CSRNP3: variants seen among roughly 807,000 people sequenced by gnomAD.
CSRNP3 encodes the protein cysteine and serine rich nuclear protein 3.
In CSRNP3, 12 loss-of-function variants were observed where a neutral mutation model predicts 48.0. That is an observed-to-expected ratio of 0.25 (90% CI 0.16 to 0.41). CSRNP3 has a LOEUF of 0.41. Ranked by LOEUF, CSRNP3 falls within the 10% of genes least tolerant of loss-of-function variation. CSRNP3 has a pLI of 1.00. For synonymous variants in CSRNP3, 263 were observed against 269.7 expected (o/e 0.98, Z 0.24); for missense variants, 580 against 724.4 (o/e 0.80, Z 2.29).
At chr2:165,663,905 T>A (rs1687136443) in intron 5 of CSRNP3, among the ~76,000 whole-genome samples, 1 of 152,158 alleles carries the variant, frequency 6.6e-6, no homozygotes, top group Non-Finnish European at 1.5e-5. Context: ...TCCGTCTGGC[T>A]TATTAGCTAC....
intron 3 of CSRNP3, among the ~76,000 whole-genome samples, chr2:165,562,333 G>A (rs1400227670): frequency 1.3e-5 from 2 of 152,190 alleles, no homozygotes; most frequent in Non-Finnish European, 2.9e-5. Context: ...ATTGGTGCTT[G>A]AGAGAAGGGC....
intron 1 of CSRNP3, among the ~76,000 whole-genome samples, chr2:165,493,970 T>G (rs1171454646): frequency 6.6e-6 from 1 of 152,070 alleles, no homozygotes; most frequent in African/African-American, 2.4e-5. Flanking sequence ...TATGAAGAAA[T>G]TACTACTCTC....
At chr2:165,549,386 C>T (rs541568427) in intron 3 of CSRNP3, among the ~76,000 whole-genome samples, 1 of 151,918 alleles carries the variant, frequency 6.6e-6, no homozygotes, top group African/African-American at 2.4e-5. Flanking sequence ...AAGTTTATAC[C>T]TCTAGTCAGT....
intron 4 of CSRNP3, among the ~76,000 whole-genome samples, chr2:165,602,251 A>G (rs1685928076): frequency 6.6e-6 from 1 of 152,128 alleles, no homozygotes; most frequent in Admixed American, 6.6e-5. Flanking sequence ...TATAAGAAAC[A>G]GGATCCAAAA....
intron 4 of CSRNP3, among the ~76,000 whole-genome samples, chr2:165,639,593 G>A (rs1349812668): frequency 1.3e-5 from 2 of 152,168 alleles, no homozygotes; most frequent in Non-Finnish European, 2.9e-5. Context: ...AATATACACA[G>A]GAGTTGCCAT....
chr2:165,673,311 T>C (rs1209026307), intron 5 of CSRNP3, among the ~76,000 whole-genome samples: 2 of 151,872 alleles, frequency 1.3e-5, no homozygotes, highest in Non-Finnish European at 2.9e-5. Context: ...CTAATTTTTG[T>C]ATTTTTAGCA....
intron 3 of CSRNP3, chr2:165,572,221 A>G (rs756974955): frequency 2.0e-5 from 3 of 152,106 alleles, no homozygotes; most frequent in African/African-American, 4.8e-5. Flanking sequence ...CAGCTTCCTT[A>G]TCTGTTATTC....
intron 3 of CSRNP3, among the ~76,000 whole-genome samples, chr2:165,553,280 G>C (rs112592340): frequency 0.012 from 1,818 of 152,142 alleles, 39 homozygotes; most frequent in African/African-American, 0.042. Context: ...ACCTTTCCAA[G>C]TCCATCCTTC....
intron 2 of CSRNP3, among the ~76,000 whole-genome samples, chr2:165,502,734 C>G (rs755908354): frequency 6.6e-6 from 1 of 151,614 alleles, no homozygotes; most frequent in East Asian, 1.9e-4. Flanking sequence ...CACCTGCCAC[C>G]GGCTCCCTCT....
intron 4 of CSRNP3, among the ~76,000 whole-genome samples, chr2:165,643,987 A>G (rs1406269252): frequency 1.3e-5 from 2 of 152,240 alleles, no homozygotes; most frequent in Non-Finnish European, 2.9e-5. Flanking sequence ...TAACGGCAGG[A>G]AATTCAGTCA....
chr2:165,629,825 A>G (rs1187885998), intron 4 of CSRNP3, among the ~76,000 whole-genome samples: 2 of 152,106 alleles, frequency 1.3e-5, no homozygotes, highest in Non-Finnish European at 2.9e-5. Flanking sequence ...TTCCCCTTTA[A>G]AAGTTTTCAT....
chr2:165,611,861 A>G (rs1357229221), intron 4 of CSRNP3, among the ~76,000 whole-genome samples: 2 of 152,148 alleles, frequency 1.3e-5, no homozygotes, highest in Admixed American at 6.5e-5. Context: ...TTAATTATAT[A>G]TAATTCTTAA....
Position 165,681,823 on chromosome 2 carries a change from G to GTATATA in CSRNP3, c.*2071_*2072insATATAT, listed in dbSNP as rs1373745211. ...TATGTATGTGTGTGTGTGTGTGTGT[G>GTATATA]TGTGTGTATATATATATATCCCATG... On this transcript the variant is annotated 3_prime_UTR_variant, in exon 7 of 7. Transcript: ENST00000651982. The GTATATA allele has an allele frequency of 2.1e-5, 3 of 140,956 alleles. No homozygotes were observed. Among genetic ancestry groups the GTATATA allele is most frequent in the African/African-American group, 7.9e-5 (3 of 38,044 alleles). 8.7% of individuals were successfully genotyped at this position (140,956 alleles called of 1,614,324 possible).
rs528977899 is a variant in CSRNP3, at chr2:165,676,489, G to A, written c.586G>A (p.Val196Met). The change falls in exon 6 of 7, where the codon GTG (valine) becomes ATG (methionine). Residue 196 changes from valine to methionine, a missense_variant. Coordinates refer to ENST00000651982, the MANE Select transcript of CSRNP3 (RefSeq NM_001172173.2). ...TGCCTCTGGAGTGAAAAAGATTGAC[G>A]TGGAAGAAAAGCACGAACTCCGAGC... ...LRASGVKKID[V>M]EEKHELRAIR... is the part of the protein sequence containing the mutation. 2.3e-5 allele frequency: 37 copies of A among 1,614,136 alleles called. No individual in the cohort carries two copies. The highest frequency in any genetic ancestry group is 2.8e-5 in the Non-Finnish European group (33 of 1,179,998).
At chr2:165,513,353 T>C (rs1430716703) in intron 2 of CSRNP3, among the ~76,000 whole-genome samples, 1 of 152,176 alleles carries the variant, frequency 6.6e-6, no homozygotes, top group East Asian at 1.9e-4. Flanking sequence ...CCACTTGTGT[T>C]CATAGACCAT....
intron 4 of CSRNP3, among the ~76,000 whole-genome samples, chr2:165,599,430 C>T (rs1254885886): frequency 6.6e-6 from 1 of 152,056 alleles, no homozygotes; most frequent in East Asian, 1.9e-4. Flanking sequence ...GCTGGGACCA[C>T]AGGTGCACAC....
intron 4 of CSRNP3, among the ~76,000 whole-genome samples, chr2:165,631,359 A>T (rs985245784): frequency 1.3e-5 from 2 of 152,212 alleles, no homozygotes; most frequent in Non-Finnish European, 2.9e-5. Context: ...AGTGGTGCCA[A>T]TGAAGGCGTT....
chr2:165,497,422 T>A (rs1313315292), intron 2 of CSRNP3, among the ~76,000 whole-genome samples: 1 of 151,840 alleles, frequency 6.6e-6, no homozygotes, highest in African/African-American at 2.4e-5. Flanking sequence ...AGATAAACAG[T>A]GGGGAGGAAG....
intron 4 of CSRNP3, among the ~76,000 whole-genome samples, chr2:165,646,745 C>T (rs1007889726): frequency 5.9e-5 from 9 of 151,968 alleles, no homozygotes; most frequent in Admixed American, 2.0e-4. Flanking sequence ...TCTTTGACAT[C>T]AGGAGAATTG....
Sources: gnomAD v4.1 joint callset for allele counts (sites outside exome capture counted in the v4.1 genomes callset) on GRCh38, gnomAD v4.1.1 for gene constraint, MANE v1.5 for transcripts, NCBI Gene and HGNC (gene_info 2026-07-23, HGNC 2026-07-21) for gene names.